The following UBAC2 variants were observed in gnomAD, a reference collection of about 807,000 sequenced individuals.
UBAC2 encodes ubiquitin-associated domain-containing protein 2.
UBAC2 carries 26 observed loss-of-function variants against 44.0 expected under a neutral mutation model. The observed-to-expected ratio is 0.59, with a 90% CI of 0.43 to 0.82. UBAC2 has a LOEUF of 0.82. Ranked by LOEUF, UBAC2 falls within the 40% of genes least tolerant of loss-of-function variation. UBAC2 has a pLI of 0.00. For missense variants in UBAC2, 329 were observed against 419.4 expected (o/e 0.78, Z 1.88); for synonymous variants, 155 against 154.3 (o/e 1.00, Z -0.04).
At chr13:99,313,383 A>G (rs1161497710) in intron 4 of UBAC2, 2 of 152,256 alleles carry the variant, frequency 1.3e-5, no homozygotes, top group African/African-American at 4.8e-5. Context: ...GAGAGAAGCA[A>G]GACTGTAAGT....
chr13:99,214,594 G>A (rs2042970395), intron 1 of UBAC2, among the ~76,000 whole-genome samples: 1 of 152,074 alleles, frequency 6.6e-6, no homozygotes, highest in African/African-American at 2.4e-5. Context: ...GAGTGAAGCT[G>A]CCTTTCTTAT....
chr13:99,219,193 A>G (rs527683889), intron 1 of UBAC2, among the ~76,000 whole-genome samples: 1 of 152,262 alleles, frequency 6.6e-6, no homozygotes, highest in East Asian at 1.9e-4. Context: ...TACATGCGTG[A>G]CTTGTGGAGG....
chr13:99,316,624 C>T (rs1430757083), intron 5 of UBAC2, among the ~76,000 whole-genome samples: 1 of 152,190 alleles, frequency 6.6e-6, no homozygotes, highest in Non-Finnish European at 1.5e-5. Context: ...TCAAGGAGCC[C>T]AGCCATGAGA....
At chr13:99,380,903 G>T (rs2138929149) in intron 8 of UBAC2, among the ~76,000 whole-genome samples, 1 of 152,342 alleles carries the variant, frequency 6.6e-6, no homozygotes, top group African/African-American at 2.4e-5. Context: ...AAGCTCTGAA[G>T]CCAGCTTTGG....
At chr13:99,248,143 C>T (rs2043411798) in intron 4 of UBAC2, among the ~76,000 whole-genome samples, 3 of 152,176 alleles carry the variant, frequency 2.0e-5, no homozygotes, top group South Asian at 2.1e-4. Flanking sequence ...CTACAGTGAA[C>T]GTGTATTGTT....
intron 4 of UBAC2, among the ~76,000 whole-genome samples, chr13:99,313,582 G>A (rs2044444342): frequency 6.6e-6 from 1 of 152,100 alleles, no homozygotes; most frequent in South Asian, 2.1e-4. Context: ...CCATGGAGAA[G>A]CCAGAAGAGT....
At chr13:99,228,626 C>T (rs912476658) in intron 1 of UBAC2, among the ~76,000 whole-genome samples, 4 of 152,080 alleles carry the variant, frequency 2.6e-5, no homozygotes, top group South Asian at 4.1e-4. Flanking sequence ...ATTTTCTTCT[C>T]GTAACACTTT....
At chr13:99,242,196 C>T (rs370729217) in intron 2 of UBAC2, among the ~76,000 whole-genome samples, 14 of 151,646 alleles carry the variant, frequency 9.2e-5, no homozygotes, top group Admixed American at 3.9e-4. Flanking sequence ...CTTTCCCCCC[C>T]TTCTATTCCA....
At chr13:99,327,353 C>T (rs914379175) in intron 6 of UBAC2, among the ~76,000 whole-genome samples, 1 of 152,164 alleles carries the variant, frequency 6.6e-6, no homozygotes, top group Non-Finnish European at 1.5e-5. Context: ...TTATCATGTC[C>T]GTTGCAGGAC....
Position 99,295,746 on chromosome 13 carries a change from C to T in UBAC2, c.390-18351C>T, listed in dbSNP as rs2044161490. On this transcript the variant is annotated intron_variant, in intron 4 of 8. Transcript: ENST00000403766. The surrounding 1 kb of genome is among the most constrained non-coding windows in gnomAD (Gnocchi z 4.1). The stretch of plus-strand genomic sequence containing the variant: ...ATCTTGTTGTAGCGTAGAGGGTGCA[C>T]CACAGCAATGAAGCGGTCAATACTC... 2 of 1,613,954 alleles carry T rather than the reference C, an allele frequency of 1.2e-6. No homozygotes were observed. The highest frequency in any genetic ancestry group is 1.7e-6 in the Non-Finnish European group (2 of 1,180,014).
chr13:99,215,708 C>A lies in UBAC2; in HGVS notation c.31+14769C>A, dbSNP rs1333393215. On this transcript the variant is annotated intron_variant, in intron 1 of 8. Transcript: ENST00000403766. ...AGCCGGCTCTCTGCGAGCGGGAAACCGCCTTTGTCTTGGCCTTTCCGGAGT... is the reference window on the plus strand; with the variant it reads ...AGCCGGCTCTCTGCGAGCGGGAAACAGCCTTTGTCTTGGCCTTTCCGGAGT... 19 of 1,500,406 alleles carry A rather than the reference C, an allele frequency of 1.3e-5. No homozygotes were observed. In the East Asian group the frequency reaches 4.3e-4, roughly 34 times the overall value. The allele number at this position is 1,500,406 out of a possible 1,614,324, so 92.9% of individuals were successfully genotyped here.
At chr13:99,347,864 T>C (rs1429755970) in intron 7 of UBAC2, among the ~76,000 whole-genome samples, 1 of 151,832 alleles carries the variant, frequency 6.6e-6, no homozygotes, top group African/African-American at 2.4e-5. Flanking sequence ...GCAGTGAAGA[T>C]GGAGTGGGCT....
At chr13:99,215,235 A>G (rs1338618246) in intron 1 of UBAC2, 10 of 639,778 alleles carry the variant, frequency 1.6e-5, no homozygotes, top group Non-Finnish European at 2.6e-5. Context: ...AGCTAATTAA[A>G]CTTCCAACTT....
chr13:99,350,219 T>G (rs1212304224), intron 7 of UBAC2, among the ~76,000 whole-genome samples: 25 of 152,264 alleles, frequency 1.6e-4, no homozygotes. Flanking sequence ...CTCTATTTTC[T>G]TTTTTATACT....
chr13:99,262,710 C>CA lies in UBAC2; in HGVS notation c.389+18116dup, dbSNP rs61627160. Among the ~76,000 whole-genome samples the CA allele has an allele frequency of 3.6e-3, 206 of 57,160 alleles. 24 individuals carry two copies. The highest frequency in any genetic ancestry group is 5.5e-3 in the African/African-American group (78 of 14,114). 37.5% of individuals were successfully genotyped at this position (57,160 alleles called of 152,430 possible). A position where few individuals can be genotyped will look rare whatever the true frequency, so the allele number is the denominator to read the frequency against. On this transcript the variant is annotated intron_variant, in intron 4 of 8. Transcript: ENST00000403766. ...TGGGCAACAGAGCAGAACTCCCTCT[C>CA]AAAAAAAAAAAAAAAAAAAAAAAAA...
At chr13:99,287,711 C>G (rs2044038379) in intron 4 of UBAC2, among the ~76,000 whole-genome samples, 1 of 141,172 alleles carries the variant, frequency 7.1e-6, no homozygotes, top group Non-Finnish European at 1.5e-5. Flanking sequence ...TCTCCAATTC[C>G]TGGGCTCAAG....
chr13:99,236,174 C>T (rs2043230458), intron 1 of UBAC2, among the ~76,000 whole-genome samples: 1 of 152,114 alleles, frequency 6.6e-6, no homozygotes, highest in Non-Finnish European at 1.5e-5. Context: ...ATCTCAAAAG[C>T]ACAGACAGCC....
chr13:99,210,669 G>A (rs1374518688), intron 1 of UBAC2, among the ~76,000 whole-genome samples: 1 of 151,960 alleles, frequency 6.6e-6, no homozygotes, highest in Admixed American at 6.6e-5. Flanking sequence ...TAGAGACGGG[G>A]TTTCTCCATT....
At chr13:99,315,869 T>C (rs189320458) in intron 5 of UBAC2, among the ~76,000 whole-genome samples, 1 of 152,206 alleles carries the variant, frequency 6.6e-6, no homozygotes, top group Non-Finnish European at 1.5e-5. Context: ...GGGGTCTTAG[T>C]TGGATGAAGA....
Sources: gnomAD v4.1 joint callset for allele counts (sites outside exome capture counted in the v4.1 genomes callset) on GRCh38, gnomAD v4.1.1 for gene constraint, Gnocchi (gnomAD v3.1) non-coding constraint, MANE v1.5 for transcripts, NCBI Gene and HGNC (gene_info 2026-07-23, HGNC 2026-07-21) for gene names.